TFDP2: variants seen among roughly 807,000 people sequenced by gnomAD.
The protein encoded by TFDP2 is transcription factor Dp-2, also known as transcription factor Dp-2 (E2F dimerization partner 2).
A neutral mutation model predicts 59.3 loss-of-function variants in TFDP2; 17 were observed. The ratio of observed to expected loss-of-function variants is 0.29; its 90% CI spans 0.20 to 0.43. The LOEUF (loss-of-function observed/expected upper bound fraction) is 0.43, where lower values mean the gene tolerates loss of function less well. Among genes scored for constraint, TFDP2 ranks in the 20% least tolerant of loss-of-function variants. The pLI is 1.00. For synonymous variants in TFDP2, 180 were observed against 194.7 expected, an observed-to-expected ratio of 0.92 and a Z score of 0.63; for missense variants, 391 against 528.8, an observed-to-expected ratio of 0.74 and a Z score of 2.56.
intron 3 of TFDP2, among the ~76,000 whole-genome samples, chr3:142,061,988 T>G (rs979868814): frequency 2.0e-5 from 3 of 149,738 alleles, no homozygotes; most frequent in African/African-American, 7.4e-5. Context: ...CAGGTACACT[T>G]ATACACAGAT....
chr3:141,952,619 G>C lies in TFDP2; in HGVS notation c.1235C>G (p.Ser412Cys), dbSNP rs771148670. The part of the protein sequence containing the change: ...GQFLAPNSHQ[S>C]SSAASHCSES... Reference sequence around the variant, plus strand: ...GGAGCAGTGAGAGGCCGCACTGCTGGACTGGTGACTGTTTGGGGCCAGGAA... The same window carrying C: ...GGAGCAGTGAGAGGCCGCACTGCTGCACTGGTGACTGTTTGGGGCCAGGAA... The change falls in exon 13 of 13, where the codon TCC (serine) becomes TGC (cysteine). Residue 412 changes from serine to cysteine, a missense_variant. Ser to Cys is a moderately radical substitution (Grantham distance 112). Around this residue, in one of 3 missense-constraint regions of TFDP2, gnomAD observed 223 missense variants for 292.5 expected, o/e 0.76. Transcript: ENST00000489671. 6.3e-7 allele frequency: 1 copy of C among 1,591,556 alleles called. No homozygotes were observed. Among genetic ancestry groups the C allele is most frequent in the Non-Finnish European group, 8.5e-7 (1 of 1,174,662 alleles).
At position 141,946,427 on chromosome 3, in the gene TFDP2, CG is replaced by C; in HGVS notation, c.*6085del. ...AAGCAAAAGGTAAGATGACAAGATC[CG>C]GTCTTGTCTGAGAACAGCTGCACAG... On this transcript the variant is annotated 3_prime_UTR_variant, in exon 13 of 13. Transcript: ENST00000489671. 6.6e-6 allele frequency: 1 copy of C among 152,308 alleles called. No homozygotes were observed. Among genetic ancestry groups the C allele is most frequent in the Middle Eastern group, 3.4e-3 (1 of 294 alleles). The allele number at this position is 152,308 out of a possible 1,614,324, so 9.4% of individuals were successfully genotyped here.
At chr3:142,037,850 G>A (rs1363805380) in intron 3 of TFDP2, among the ~76,000 whole-genome samples, 1 of 152,066 alleles carries the variant, frequency 6.6e-6, no homozygotes, top group Non-Finnish European at 1.5e-5. Context: ...CCACTATACA[G>A]TTGTGTCATA....
At position 142,075,439 on chromosome 3, in the gene TFDP2, A is replaced by G. The variant is rs114995886; in HGVS notation, c.82+17622T>C. Among the ~76,000 whole-genome samples the G allele has an allele frequency of 2.4e-3, 362 of 152,306 alleles. 4 individuals carry two copies. Among genetic ancestry groups the G allele is most frequent in the African/African-American group, 7.7e-3 (321 of 41,548 alleles). ...CTCTGCCATCAAATTCTTCCAGCCA[A>G]TAAGATTTTGTTTTTTCTGCGAAAG... is the stretch of plus-strand genomic sequence containing the variant. On this transcript the variant is annotated intron_variant, in intron 3 of 12. Coordinates refer to ENST00000489671, the MANE Select transcript of TFDP2 (RefSeq NM_001178139.2).
rs534595865 is a variant in TFDP2, at chr3:142,055,899, G to A, written c.82+37162C>T. Among the ~76,000 whole-genome samples, 249 of 139,806 alleles carry A rather than the reference G, an allele frequency of 1.8e-3. 2 individuals carry two copies. The highest frequency in any genetic ancestry group is 6.2e-3 in the African/African-American group (237 of 38,278). The allele number at this position is 139,806 out of a possible 152,430, so 91.7% of individuals were successfully genotyped here. A position where few individuals can be genotyped will look rare whatever the true frequency, so the allele number is the denominator to read the frequency against. On this transcript the variant is annotated intron_variant, in intron 3 of 12. Transcript: ENST00000489671. The stretch of plus-strand genomic sequence containing the variant: ...AAAGTGCATGCAATTATAAGACCAA[G>A]TGTTTTCATTCTTGGAAAGCCCACA...
At chr3:141,953,044 G>A in intron 11 of TFDP2, 28 bp from the exon 12 acceptor site, 1 of 1,553,852 alleles carries the variant, frequency 6.4e-7, no homozygotes, top group Non-Finnish European at 8.9e-7. Context: ...AACAAAAAAT[G>A]TCGGTCCTGC....
chr3:142,124,990 G>A (rs1274874162), intron 1 of TFDP2, among the ~76,000 whole-genome samples: 1 of 152,048 alleles, frequency 6.6e-6, no homozygotes, highest in Admixed American at 6.6e-5. Context: ...GAGGCCAGGA[G>A]TTTGAGACCA....
intron 3 of TFDP2, among the ~76,000 whole-genome samples, chr3:142,015,203 T>C (rs1009699446): frequency 2.0e-5 from 3 of 152,192 alleles, no homozygotes; most frequent in Non-Finnish European, 4.4e-5. Flanking sequence ...CAATCTCTTG[T>C]CTGTGAGCCC....
chr3:142,052,348 T>C (rs535194616), intron 3 of TFDP2, among the ~76,000 whole-genome samples: 4 of 150,322 alleles, frequency 2.7e-5, no homozygotes, highest in African/African-American at 7.4e-5. Flanking sequence ...CCATCCTGGC[T>C]AACACGGTGA....
intron 1 of TFDP2, among the ~76,000 whole-genome samples, chr3:142,127,572 G>A (rs902548649): frequency 5.3e-5 from 8 of 151,834 alleles, no homozygotes; most frequent in Admixed American, 6.6e-5. Flanking sequence ...TCTTGACCTC[G>A]TGATCTGCCC....
Position 142,101,821 on chromosome 3 carries a change from A to G in TFDP2, c.-72T>C. 1 of 911,716 alleles carries G rather than the reference A, an allele frequency of 1.1e-6. No individual in the cohort carries two copies. Among genetic ancestry groups the G allele is most frequent in the East Asian group, 2.7e-5 (1 of 36,650 alleles). 56.5% of individuals were successfully genotyped at this position (911,716 alleles called of 1,614,324 possible). On this transcript the variant is annotated 5_prime_UTR_variant, in exon 2 of 13. Transcript: ENST00000489671. ...AAAAAGAAAAAAACCTTCGTCTTCA[A>G]TAATTCTTTAAAAGAACAACCTGTT...
At chr3:142,029,459 T>C (rs1311242564) in intron 3 of TFDP2, among the ~76,000 whole-genome samples, 3 of 67,408 alleles carry the variant, frequency 4.5e-5, no homozygotes, top group African/African-American at 1.7e-4. Flanking sequence ...AATTATGTTG[T>C]CCTGGTTTTT....
chr3:142,093,829 T>A (rs1249425547), intron 2 of TFDP2: 1 of 281,466 alleles, frequency 3.6e-6, no homozygotes, highest in African/African-American at 2.2e-5. Flanking sequence ...CATTTCCTCA[T>A]CTGTAAATTG....
chr3:142,051,599 G>C (rs779225099), intron 3 of TFDP2, among the ~76,000 whole-genome samples: 7 of 151,694 alleles, frequency 4.6e-5, no homozygotes, highest in Non-Finnish European at 1.0e-4. Context: ...GAACCACTGA[G>C]CTACCAAGAG....
chr3:142,103,254 A>C (rs1020867282), intron 1 of TFDP2, among the ~76,000 whole-genome samples: 2 of 152,008 alleles, frequency 1.3e-5, no homozygotes, highest in Non-Finnish European at 2.9e-5. Context: ...AATTAAATAA[A>C]TAAAAAATTT....
chr3:141,969,007 TATAG>T (rs1441588119), intron 9 of TFDP2, among the ~76,000 whole-genome samples: 3 of 90,998 alleles, frequency 3.3e-5, no homozygotes, highest in Non-Finnish European at 6.1e-5. Context: ...ATCTCATATA[TATAG>T]ATATATATAT....
chr3:142,040,105 A>G (rs1946886387), intron 3 of TFDP2, among the ~76,000 whole-genome samples: 1 of 72,226 alleles, frequency 1.4e-5, no homozygotes, highest in Non-Finnish European at 2.7e-5. Context: ...TAAGACATAC[A>G]CAAAATAAAA....
intron 1 of TFDP2, among the ~76,000 whole-genome samples, chr3:142,140,897 A>G (rs2062929117): frequency 1.3e-5 from 2 of 152,176 alleles, no homozygotes; most frequent in African/African-American, 4.8e-5. Flanking sequence ...CCATGCTGGG[A>G]GAACCACTGC....
At chr3:142,042,604 T>C (rs1400671234) in intron 3 of TFDP2, among the ~76,000 whole-genome samples, 1 of 145,282 alleles carries the variant, frequency 6.9e-6, no homozygotes, top group Non-Finnish European at 1.5e-5. Flanking sequence ...GGCCAGTGTT[T>C]CTTTTTCTTT....
Sources: gnomAD v4.1 joint callset for allele counts (sites outside exome capture counted in the v4.1 genomes callset) on GRCh38, gnomAD v4.1.1 for gene constraint, gnomAD v4.1.1 regional missense constraint, MANE v1.5 for transcripts, NCBI Gene and HGNC (gene_info 2026-07-23, HGNC 2026-07-21) for gene names.